The following ERMP1 variants were observed in gnomAD, a reference collection of about 807,000 sequenced individuals.
The protein encoded by ERMP1 is endoplasmic reticulum metallopeptidase 1, also known as Felix-ina.
ERMP1 carries 86 observed loss-of-function variants against 92.0 expected under a neutral mutation model. The ratio of observed to expected loss-of-function variants is 0.93; its 90% confidence interval spans 0.79 to 1.12. The LOEUF (loss-of-function observed/expected upper bound fraction) is 1.12. Among genes scored for constraint, ERMP1 ranks in the 50% most tolerant of loss-of-function variants. The pLI is 0.00. For missense variants in ERMP1, 1,342 were observed against 1,116.3 expected (o/e 1.20, Z -2.88); for synonymous variants, 530 against 412.8 (o/e 1.28, Z -3.44).
At chr9:5,843,930 G>C (rs1830201608) in intron 6 of ERMP1, among the ~76,000 whole-genome samples, 1 of 152,170 alleles carries the variant, frequency 6.6e-6, no homozygotes, top group South Asian at 2.1e-4. Flanking sequence ...GATGGGAAGA[G>C]CAGTGCATCC....
chr9:5,842,230 A>G (rs1287567177), intron 6 of ERMP1, among the ~76,000 whole-genome samples: 5 of 152,108 alleles, frequency 3.3e-5, no homozygotes, highest in Admixed American at 3.3e-4. Flanking sequence ...GGTCCATTTT[A>G]CAGAGTGCTG....
intron 2 of ERMP1, 92 bp downstream of exon 2, chr9:5,830,635 T>C (rs1829903454): frequency 2.1e-6 from 2 of 953,084 alleles, no homozygotes; most frequent in Middle Eastern, 2.8e-4. Context: ...CCCAAGAAAA[T>C]GGTCCCCACA....
chr9:5,843,410 C>A (rs1830190511), intron 6 of ERMP1, among the ~76,000 whole-genome samples: 1 of 152,182 alleles, frequency 6.6e-6, no homozygotes, highest in African/African-American at 2.4e-5. Flanking sequence ...CTGGATTCCA[C>A]CCACCTGCTG....
chr9:5,823,033 C>T (rs560328117), intron 4 of ERMP1, among the ~76,000 whole-genome samples: 15 of 152,226 alleles, frequency 9.9e-5, no homozygotes, highest in African/African-American at 3.1e-4. Context: ...GCTTGTAATC[C>T]CAGCACTTTG....
intron 6 of ERMP1, among the ~76,000 whole-genome samples, chr9:5,840,258 G>T (rs564106411): frequency 1.3e-5 from 2 of 152,202 alleles, no homozygotes; most frequent in African/African-American, 4.8e-5. Flanking sequence ...AAGAAAGAGA[G>T]AGAGAGAAGA....
At chr9:5,840,688 G>C (rs562278414) in intron 6 of ERMP1, among the ~76,000 whole-genome samples, 1 of 152,202 alleles carries the variant, frequency 6.6e-6, no homozygotes. Flanking sequence ...ATCCTCCAAC[G>C]AATGACTTAA....
intron 5 of ERMP1, among the ~76,000 whole-genome samples, chr9:5,864,931 T>C (rs1830607856): frequency 3.3e-5 from 5 of 152,050 alleles, no homozygotes; most frequent in Admixed American, 2.6e-4. Context: ...TAACATGAGA[T>C]CCTAACTTGT....
intron 6 of ERMP1, among the ~76,000 whole-genome samples, chr9:5,858,096 G>A (rs1268385639): frequency 8.5e-5 from 13 of 152,136 alleles, no homozygotes; most frequent in African/African-American, 2.7e-4. Context: ...GAAGGTTAGT[G>A]CTCTCATAGG....
rs1245977064 is a variant in ERMP1, at chr9:5,811,164, A to AC, written c.1273dup (p.Val425GlyfsTer18). 1.9e-6 allele frequency: 3 copies of AC among 1,614,058 alleles called. No homozygotes were observed. The highest frequency in any genetic ancestry group is 2.5e-6 in the Non-Finnish European group (3 of 1,179,966). On this transcript the variant is annotated frameshift_variant, in exon 7 of 15. Transcript: ENST00000339450. LOFTEE classifies it high-confidence loss of function. ...GCCCAGGTACAAAACAACACCCATT[A>AC]CCACCATGTAGTTTATGATTGAGCC...
At chr9:5,812,673 CTATGGGGAAAGATGACA>C (rs1563760734) in intron 5 of ERMP1, 199 bp downstream of exon 5, 4 of 591,980 alleles carry the variant, frequency 6.8e-6, no homozygotes, top group Non-Finnish European at 1.2e-5. Flanking sequence ...CCCTGTTCTT[CTATGGGGAAAGATGACA>C]TATTTTAGAG....
chr9:5,861,777 G>T (rs1239717743), intron 5 of ERMP1, among the ~76,000 whole-genome samples: 1 of 115,126 alleles, frequency 8.7e-6, no homozygotes, highest in African/African-American at 3.3e-5. Flanking sequence ...AAGGTCAAAG[G>T]ATCTCAGCAG....
At chr9:5,807,211 T>C (rs1828902034) in intron 8 of ERMP1, among the ~76,000 whole-genome samples, 1 of 152,144 alleles carries the variant, frequency 6.6e-6, no homozygotes, top group African/African-American at 2.4e-5. Flanking sequence ...TTGTTATCAG[T>C]TTTCTCACAA....
At chr9:5,794,107 G>A (rs1828313285) in intron 13 of ERMP1, among the ~76,000 whole-genome samples, 1 of 151,964 alleles carries the variant, frequency 6.6e-6, no homozygotes, top group Non-Finnish European at 1.5e-5. Context: ...AGACCACAAT[G>A]AAATTAAACT....
chr9:5,793,695 G>A (rs768731896), intron 13 of ERMP1, among the ~76,000 whole-genome samples: 3 of 152,030 alleles, frequency 2.0e-5, no homozygotes, highest in Non-Finnish European at 2.9e-5. Flanking sequence ...AATTAGCAGC[G>A]ATAAAGAGGG....
intron 5 of ERMP1, among the ~76,000 whole-genome samples, chr9:5,865,334 C>T (rs958520095): frequency 2.0e-5 from 3 of 150,914 alleles, no homozygotes; most frequent in Non-Finnish European, 4.4e-5. Context: ...GGTGAAACCC[C>T]GTCTCTACTA....
At chr9:5,821,074 C>CAA (rs1829517541) in intron 4 of ERMP1, among the ~76,000 whole-genome samples, 1 of 152,088 alleles carries the variant, frequency 6.6e-6, no homozygotes, top group African/African-American at 2.4e-5. Flanking sequence ...GTATGACACC[C>CAA]CTCCAAAAAA....
intron 6 of ERMP1, among the ~76,000 whole-genome samples, chr9:5,856,777 T>A (rs191031438): frequency 1.3e-3 from 198 of 152,306 alleles, no homozygotes; most frequent in African/African-American, 4.5e-3. Context: ...TGTTTCTGAT[T>A]TGGGGACACT....
chr9:5,809,193 TG>T (rs1467602680), intron 8 of ERMP1, among the ~76,000 whole-genome samples: 1 of 151,976 alleles, frequency 6.6e-6, no homozygotes, highest in Admixed American at 6.6e-5. Context: ...GCTAATTTTT[TG>T]TATTTTTAGT....
chr9:5,795,014 T>C (rs1828356950), intron 13 of ERMP1, among the ~76,000 whole-genome samples: 1 of 152,018 alleles, frequency 6.6e-6, no homozygotes, highest in East Asian at 1.9e-4. Flanking sequence ...TATTAGTAAA[T>C]CAAATCAACG....
Sources: allele counts gnomAD v4.1 joint callset (sites outside exome capture counted in the v4.1 genomes callset), GRCh38; gene constraint gnomAD v4.1.1; transcripts MANE v1.5; gene names NCBI Gene and HGNC (gene_info 2026-07-23, HGNC 2026-07-21).